The following SIK3 variants were observed in gnomAD, a reference collection of about 807,000 sequenced individuals.
The protein encoded by SIK3 is SIK family kinase 3, also known as serine/threonine-protein kinase SIK3.
Under a neutral mutation model 144.2 loss-of-function variants are expected in SIK3, and 28 were observed. That is an observed-to-expected ratio of 0.19 (90% CI 0.14 to 0.27). The LOEUF (loss-of-function observed/expected upper bound fraction) is 0.27. Ranked by LOEUF, SIK3 falls within the 10% of genes least tolerant of loss-of-function variation. SIK3 has a pLI of 1.00. For missense variants in SIK3, 1,319 were observed against 1,776.0 expected (o/e 0.74, Z 4.62); for synonymous variants, 686 against 676.3 (o/e 1.01, Z -0.22).
chr11:116,867,785 T>C lies in SIK3; in HGVS notation c.1952+161A>G. On this transcript the variant is annotated intron_variant, in intron 15 of 24. Coordinates refer to ENST00000445177, the MANE Select transcript of SIK3 (RefSeq NM_001366686.3). The surrounding 1 kb of genome is among the most constrained non-coding windows in gnomAD (Gnocchi z 4.1). The stretch of plus-strand genomic sequence containing the variant: ...AGGGCGCAGTAAAAAACCTTTGCCC[T>C]GTGCATTGCTTACTGCAAGGAGCTG... 1 of 648,296 alleles carries C rather than the reference T, an allele frequency of 1.5e-6. No individual in the cohort carries two copies. Among genetic ancestry groups the C allele is most frequent in the Non-Finnish European group, 2.4e-6 (1 of 408,212 alleles). 40.2% of individuals were successfully genotyped at this position (648,296 alleles called of 1,614,324 possible).
At chr11:117,058,720 G>A (rs76751603) in intron 1 of SIK3, among the ~76,000 whole-genome samples, 71 of 152,270 alleles carry the variant, frequency 4.7e-4, no homozygotes, top group African/African-American at 1.6e-3. Flanking sequence ...AAGGAGAAAT[G>A]AAATCAACTC....
chr11:116,945,380 CTTTTTTTTTTTTTTT>C (rs35915801), intron 3 of SIK3, among the ~76,000 whole-genome samples: 1 of 95,406 alleles, frequency 1.0e-5, no homozygotes, highest in South Asian at 3.9e-4. Context: ...TTCATGAATT[CTTTTTTTTTTTTTTT>C]TTTTTTTTTA....
chr11:117,023,538 T>C (rs1025447817), intron 1 of SIK3, among the ~76,000 whole-genome samples: 1 of 147,174 alleles, frequency 6.8e-6, no homozygotes, highest in Non-Finnish European at 1.5e-5. Flanking sequence ...CCCTGGTAGA[T>C]GGGACTATAG....
chr11:116,908,045 AAAC>A (rs1472230310), intron 4 of SIK3, among the ~76,000 whole-genome samples: 2 of 152,146 alleles, frequency 1.3e-5, no homozygotes, highest in Non-Finnish European at 2.9e-5. Flanking sequence ...AGAATTTCTC[AAAC>A]AAGAAACAAA....
chr11:116,885,566 T>C (rs1944768648), intron 6 of SIK3, among the ~76,000 whole-genome samples: 1 of 152,208 alleles, frequency 6.6e-6, no homozygotes, highest in Admixed American at 6.5e-5. Context: ...TTCTAGTATC[T>C]TTTGACTCCT....
chr11:117,046,753 G>A (rs1236655199), intron 1 of SIK3, among the ~76,000 whole-genome samples: 5 of 152,218 alleles, frequency 3.3e-5, no homozygotes, highest in East Asian at 1.9e-4. Flanking sequence ...GGTGGTACTC[G>A]CCTGTAGTCC....
chr11:117,086,743 T>C (rs1211693496), intron 1 of SIK3, among the ~76,000 whole-genome samples: 1 of 150,160 alleles, frequency 6.7e-6, no homozygotes, highest in Non-Finnish European at 1.5e-5. Context: ...ACTCCTGTAA[T>C]CCCAGCACTT....
intron 1 of SIK3, among the ~76,000 whole-genome samples, chr11:117,000,523 GCTGTCAGATTACTAAAACATTA>G (rs1565542791): frequency 6.6e-6 from 1 of 152,174 alleles, no homozygotes; most frequent in Non-Finnish European, 1.5e-5. Context: ...TCTGTCTAAT[GCTGTCAGATTACTAAAACATTA>G]ATGATGAAGC....
At chr11:116,877,898 C>T (rs1944339531) in intron 6 of SIK3, among the ~76,000 whole-genome samples, 1 of 151,760 alleles carries the variant, frequency 6.6e-6, no homozygotes, top group African/African-American at 2.4e-5. Flanking sequence ...ATTATTATTT[C>T]CTCATTTAAT....
chr11:117,096,044 A>G (rs955874398), intron 1 of SIK3, among the ~76,000 whole-genome samples: 1 of 152,244 alleles, frequency 6.6e-6, no homozygotes, highest in African/African-American at 2.4e-5. Flanking sequence ...GGTCTCAGAG[A>G]AAAACTATGA....
chr11:117,011,104 C>T (rs1377304375), intron 1 of SIK3, among the ~76,000 whole-genome samples: 2 of 152,052 alleles, frequency 1.3e-5, no homozygotes, highest in East Asian at 1.9e-4. Flanking sequence ...TGGGGGACAG[C>T]GTGAGACCCT....
Position 117,013,915 on chromosome 11 carries a change from G to GTGTGTGTGTGTGTGTGTGTAT in SIK3, c.274-56852_274-56851insATACACACACACACACACACA, listed in dbSNP as rs1951392293. Among the ~76,000 whole-genome samples, 4 of 23,650 alleles carry GTGTGTGTGTGTGTGTGTGTAT rather than the reference G, an allele frequency of 1.7e-4. 1 individual carries two copies. The highest frequency in any genetic ancestry group is 6.0e-4 in the Admixed American group (1 of 1,658). The allele number at this position is 23,650 out of a possible 152,430, so 15.5% of individuals were successfully genotyped here. A position where few individuals can be genotyped will look rare whatever the true frequency, so the allele number is the denominator to read the frequency against. ...CAGATTCTGAGGGGGGGGGGGGGAGGGTGTGTGTGTGTGTGTGTGTGTGTG... is the reference window on the plus strand; with the variant it reads ...CAGATTCTGAGGGGGGGGGGGGGAGGTGTGTGTGTGTGTGTGTGTATGTGTGTGTGTGTGTGTGTGTGTGTG... On this transcript the variant is annotated intron_variant, in intron 1 of 24. Coordinates refer to ENST00000445177, the MANE Select transcript of SIK3 (RefSeq NM_001366686.3).
At chr11:117,068,039 T>A (rs1954095059) in intron 1 of SIK3, among the ~76,000 whole-genome samples, 1 of 152,136 alleles carries the variant, frequency 6.6e-6, no homozygotes, top group African/African-American at 2.4e-5. Flanking sequence ...GGTCCCTGAA[T>A]AACTTTTGGA....
intron 4 of SIK3, among the ~76,000 whole-genome samples, chr11:116,898,223 T>C (rs1331952314): frequency 1.3e-5 from 2 of 151,636 alleles, no homozygotes; most frequent in Admixed American, 6.6e-5. Flanking sequence ...GAACATGCGA[T>C]GTTTGGTTTT....
At chr11:116,897,064 G>T in intron 5 of SIK3, 129 bp downstream of exon 5, 1 of 970,446 alleles carries the variant, frequency 1.0e-6, no homozygotes, top group Non-Finnish European at 1.5e-6. Flanking sequence ...ACAGGAATTG[G>T]GACTTGAAAG....
intron 1 of SIK3, among the ~76,000 whole-genome samples, chr11:117,032,068 T>C (rs1466620626): frequency 6.6e-6 from 1 of 152,212 alleles, no homozygotes; most frequent in Admixed American, 6.5e-5. Flanking sequence ...TTACACAATC[T>C]TGATTACTGG....
intron 3 of SIK3, among the ~76,000 whole-genome samples, chr11:116,933,509 C>T (rs905030717): frequency 1.9e-4 from 29 of 152,196 alleles, no homozygotes; most frequent in African/African-American, 6.3e-4. Flanking sequence ...TATCCATTCA[C>T]CTACTGAAGG....
chr11:117,013,972 C>CTTTCTTTTTTTTTTTTT, intron 1 of SIK3, among the ~76,000 whole-genome samples: 1 of 27,044 alleles, frequency 3.7e-5, no homozygotes, highest in Non-Finnish European at 7.4e-5. Flanking sequence ...TTTTTCTTTT[C>CTTTCTTTTTTTTTTTTT]TTTTTTTTTT....
chr11:116,907,176 G>A (rs1360372114), intron 4 of SIK3, among the ~76,000 whole-genome samples: 3 of 152,134 alleles, frequency 2.0e-5, no homozygotes, highest in East Asian at 3.8e-4. Flanking sequence ...TGCCTGAGAC[G>A]TGAGGTTCAA....
Sources: allele counts gnomAD v4.1 joint callset (sites outside exome capture counted in the v4.1 genomes callset), GRCh38; gene constraint gnomAD v4.1.1; non-coding constraint Gnocchi (gnomAD v3.1); transcripts MANE v1.5; gene names NCBI Gene and HGNC (gene_info 2026-07-23, HGNC 2026-07-21).